The following FRYL variants were observed in gnomAD, a reference collection of about 807,000 sequenced individuals.
The protein encoded by FRYL is protein furry homolog-like.
Under a neutral mutation model 351.2 loss-of-function variants are expected in FRYL, and 150 were observed. That is an observed-to-expected ratio of 0.43 (90% CI 0.37 to 0.49). The LOEUF is 0.49. FRYL is among the 20% of genes least tolerant of loss of function. The pLI is 0.00. For missense variants in FRYL, 3,036 were observed against 3,619.3 expected (o/e 0.84, Z 4.13); for synonymous variants, 1,153 against 1,257.1 (o/e 0.92, Z 1.75).
At chr4:48,574,691 G>T (rs969863023) in intron 25 of FRYL, among the ~76,000 whole-genome samples, 1 of 152,020 alleles carries the variant, frequency 6.6e-6, no homozygotes, top group African/African-American at 2.4e-5. Flanking sequence ...AAAACATCAC[G>T]AATGATATCA....
intron 1 of FRYL, among the ~76,000 whole-genome samples, chr4:48,713,113 C>T (rs1049812575): frequency 9.9e-5 from 15 of 151,854 alleles, no homozygotes; most frequent in African/African-American, 3.1e-4. Context: ...CGGTACCAGC[C>T]GCTGCAAAAT....
chr4:48,553,659 A>AC (rs1487101314), intron 35 of FRYL, among the ~76,000 whole-genome samples: 1 of 120,236 alleles, frequency 8.3e-6, no homozygotes, highest in African/African-American at 2.7e-5. Context: ...CTTTAAAAAA[A>AC]AAAAAAAAAA....
chr4:48,650,210 T>C (rs896523837), intron 3 of FRYL, among the ~76,000 whole-genome samples: 2 of 152,212 alleles, frequency 1.3e-5, no homozygotes, highest in African/African-American at 2.4e-5. Flanking sequence ...AGTAGCATAA[T>C]ATTAATAACC....
chr4:48,656,444 AATGTACATATAATC>A (rs1174297969), intron 3 of FRYL, among the ~76,000 whole-genome samples: 3 of 125,068 alleles, frequency 2.4e-5, no homozygotes, highest in African/African-American at 8.5e-5. Context: ...ATGTGTGTAT[AATGTACATATAATC>A]ATGTACATAT....
At chr4:48,704,425 G>T (rs771462083) in intron 2 of FRYL, among the ~76,000 whole-genome samples, 11 of 152,118 alleles carry the variant, frequency 7.2e-5, no homozygotes, top group Non-Finnish European at 1.2e-4. Flanking sequence ...ATGAAAAAAA[G>T]GCACTCTCAT....
intron 3 of FRYL, chr4:48,637,678 A>G (rs1228242201): frequency 2.0e-5 from 3 of 152,122 alleles, no homozygotes; most frequent in African/African-American, 7.2e-5. Context: ...GACCTGAATA[A>G]TTAAAATTTG....
chr4:48,772,693 A>G (rs1425281219), intron 1 of FRYL, among the ~76,000 whole-genome samples: 1 of 141,418 alleles, frequency 7.1e-6, no homozygotes, highest in Non-Finnish European at 1.5e-5. Flanking sequence ...AAAAAAAAAA[A>G]AAAAAAAAAA....
At chr4:48,725,040 C>T (rs1408425633) in intron 1 of FRYL, among the ~76,000 whole-genome samples, 1 of 152,184 alleles carries the variant, frequency 6.6e-6, no homozygotes, top group Non-Finnish European at 1.5e-5. Flanking sequence ...GCTCCCTGTT[C>T]CATTATCCCT....
intron 3 of FRYL, among the ~76,000 whole-genome samples, chr4:48,680,409 C>A (rs1764432498): frequency 6.6e-6 from 1 of 151,870 alleles, no homozygotes; most frequent in Non-Finnish European, 1.5e-5. Context: ...TAACCATTAT[C>A]CTCTCAAACT....
chr4:48,539,715 T>C (rs1255784646), intron 47 of FRYL, among the ~76,000 whole-genome samples: 2 of 152,104 alleles, frequency 1.3e-5, no homozygotes. Context: ...GGCAGAAGTA[T>C]GGAAAAAGAG....
intron 1 of FRYL, among the ~76,000 whole-genome samples, chr4:48,715,003 C>G (rs1313648789): frequency 2.0e-5 from 3 of 152,108 alleles, no homozygotes; most frequent in African/African-American, 7.2e-5. Context: ...AGCATAAAAA[C>G]AGAACCAAAG....
intron 1 of FRYL, among the ~76,000 whole-genome samples, chr4:48,778,770 G>C (rs1375242818): frequency 6.6e-6 from 1 of 152,112 alleles, no homozygotes; most frequent in African/African-American, 2.4e-5. Context: ...CTTTACAGAC[G>C]ATATCTCCTA....
At chr4:48,677,710 C>A (rs988323267) in intron 3 of FRYL, among the ~76,000 whole-genome samples, 1 of 151,798 alleles carries the variant, frequency 6.6e-6, no homozygotes, top group Non-Finnish European at 1.5e-5. Context: ...CGCGTCAGCC[C>A]GAAAAAATAA....
chr4:48,558,942 T>C lies in FRYL; in HGVS notation c.3866-1230A>G, dbSNP rs182681778. ...TCCTCTCTTTCCATGCTAGACCCTG[T>C]ACTTACTTACTCATTAAGAGAAGTG... On this transcript the variant is annotated intron_variant, in intron 33 of 63. Coordinates refer to ENST00000358350, the MANE Select transcript of FRYL (RefSeq NM_015030.2). Among the ~76,000 whole-genome samples the C allele has an allele frequency of 3.6e-4, 55 of 152,346 alleles. No individual in the cohort carries two copies. In the East Asian group the frequency reaches 0.01, roughly 28 times the overall value.
At chr4:48,728,267 A>G (rs1336948609) in intron 1 of FRYL, among the ~76,000 whole-genome samples, 1 of 152,192 alleles carries the variant, frequency 6.6e-6, no homozygotes, top group East Asian at 1.9e-4. Flanking sequence ...TGACATAGCA[A>G]AAAATATATA....
intron 1 of FRYL, among the ~76,000 whole-genome samples, chr4:48,725,390 T>C (rs1435047435): frequency 6.6e-6 from 1 of 152,370 alleles, no homozygotes; most frequent in East Asian, 1.9e-4. Context: ...TGTCAAGCTC[T>C]GATACAGCCT....
intron 1 of FRYL, among the ~76,000 whole-genome samples, chr4:48,728,375 C>G (rs1770322876): frequency 6.6e-6 from 1 of 151,510 alleles, no homozygotes; most frequent in Middle Eastern, 3.4e-3. Flanking sequence ...AAACACAAAA[C>G]TCAAGAACTG....
intron 1 of FRYL, among the ~76,000 whole-genome samples, chr4:48,773,833 C>G (rs1249002519): frequency 6.6e-6 from 1 of 152,154 alleles, no homozygotes; most frequent in Non-Finnish European, 1.5e-5. Context: ...GAGAGGATCA[C>G]TTGAGCCCAG....
At chr4:48,736,119 G>T (rs1771370736) in intron 1 of FRYL, among the ~76,000 whole-genome samples, 1 of 151,800 alleles carries the variant, frequency 6.6e-6, no homozygotes. Flanking sequence ...CCAAATGACA[G>T]ATGGGTCAAA....
Sources: allele counts gnomAD v4.1 joint callset (sites outside exome capture counted in the v4.1 genomes callset), GRCh38; gene constraint gnomAD v4.1.1; transcripts MANE v1.5; gene names NCBI Gene and HGNC (gene_info 2026-07-23, HGNC 2026-07-21).